Variants in TNFRSF11A observed in about 807,000 individuals in gnomAD.
TNFRSF11A encodes TNF receptor superfamily member 11a.
TNFRSF11A carries 32 observed loss-of-function variants against 55.7 expected under a neutral mutation model. That is an observed-to-expected ratio of 0.57 (90% confidence interval 0.43 to 0.77). The LOEUF is 0.77. Ranked by LOEUF, TNFRSF11A falls within the 30% of genes least tolerant of loss-of-function variation. TNFRSF11A has a pLI of 0.00. For synonymous variants in TNFRSF11A, 311 were observed against 331.0 expected (o/e 0.94, Z 0.65); for missense variants, 753 against 809.8 (o/e 0.93, Z 0.85).
At chr18:62,355,626 C>T (rs893016254) in intron 4 of TNFRSF11A, among the ~76,000 whole-genome samples, 1 of 152,180 alleles carries the variant, frequency 6.6e-6, no homozygotes, top group African/African-American at 2.4e-5. Flanking sequence ...GGGTTAAAAA[C>T]ATTTCTTCTG....
chr18:62,385,113 GC>G lies in TNFRSF11A; in HGVS notation c.*81del. 1 of 1,360,214 alleles carries G rather than the reference GC, an allele frequency of 7.4e-7. No homozygotes were observed. Among genetic ancestry groups the G allele is most frequent in the Non-Finnish European group, 9.4e-7 (1 of 1,059,774 alleles). 84.3% of individuals were successfully genotyped at this position (1,360,214 alleles called of 1,614,324 possible). Reference sequence around the variant, plus strand: ...CACCGCAGCCTCTGCCCCAGCCCCGGCCACCCAGGGATCGATCGGTACAGTC... The same window carrying G: ...CACCGCAGCCTCTGCCCCAGCCCCGGCACCCAGGGATCGATCGGTACAGTC... On this transcript the variant is annotated 3_prime_UTR_variant, in exon 10 of 10. Transcript: ENST00000586569.
intron 1 of TNFRSF11A, among the ~76,000 whole-genome samples, chr18:62,333,193 G>A (rs899966656): frequency 1.3e-5 from 2 of 152,186 alleles, no homozygotes; most frequent in Admixed American, 6.5e-5. Flanking sequence ...AAGGGCTTGC[G>A]AATAAACCTC....
At position 62,354,490 on chromosome 18, in the gene TNFRSF11A, G is replaced by A. The variant is rs201358688; in HGVS notation, c.383G>A (p.Arg128His). ...TGGAGCCAGGACTGCGAGTGCTGCC[G>A]CCGCAACACCGAGTGCGCGCCGGGC... ...YHWSQDCECCRRNTECAPGLG... is the reference protein window; with the variant it reads ...YHWSQDCECCHRNTECAPGLG... The change falls in exon 4 of 10, where the codon CGC becomes CAC. Residue 128 changes from arginine (R) to histidine (H), a missense_variant. By Grantham distance (29) the Arg-to-His change is conservative. Coordinates refer to ENST00000586569, the MANE Select transcript of TNFRSF11A (RefSeq NM_003839.4). The A allele has an allele frequency of 1.5e-5, 24 of 1,602,168 alleles. No individual in the cohort carries two copies. Among genetic ancestry groups the A allele is most frequent in the Middle Eastern group, 1.7e-4 (1 of 5,898 alleles).
In TNFRSF11A at chr18:62,385,063, T is replaced by A. The variant is rs1226088986; in HGVS notation, c.*29T>A. On this transcript the variant is annotated 3_prime_UTR_variant, in exon 10 of 10. Coordinates refer to ENST00000586569, the MANE Select transcript of TNFRSF11A (RefSeq NM_003839.4). Reference sequence around the variant, plus strand: ...CCCCCCATGGCTGGGAGCCCGAAGCTCGGAGCCAGGGCTCGCGAGGGCAGC... The same window carrying A: ...CCCCCCATGGCTGGGAGCCCGAAGCACGGAGCCAGGGCTCGCGAGGGCAGC... 2.8e-6 allele frequency: 4 copies of A among 1,454,466 alleles called. No individual in the cohort carries two copies. The African/African-American group carries it at 6.0e-5, about 22-fold the overall frequency. 90.1% of individuals were successfully genotyped at this position (1,454,466 alleles called of 1,614,324 possible). A position where few individuals can be genotyped will look rare whatever the true frequency, so the allele number is the denominator to read the frequency against.
intron 8 of TNFRSF11A, among the ~76,000 whole-genome samples, chr18:62,368,298 G>A (rs548175048): frequency 7.2e-5 from 11 of 152,212 alleles, no homozygotes; most frequent in African/African-American, 1.4e-4. Flanking sequence ...TACATAGAAC[G>A]TAGTTTCAGA....
At chr18:62,381,090 C>T (rs1911256148) in intron 9 of TNFRSF11A, among the ~76,000 whole-genome samples, 1 of 152,198 alleles carries the variant, frequency 6.6e-6, no homozygotes, top group Non-Finnish European at 1.5e-5. Flanking sequence ...AGGTGTCAGC[C>T]ACCGCGCTTA....
At chr18:62,346,912 T>G (rs2046391915) in intron 1 of TNFRSF11A, among the ~76,000 whole-genome samples, 1 of 152,236 alleles carries the variant, frequency 6.6e-6, no homozygotes, top group Admixed American at 6.5e-5. Flanking sequence ...GGTCTCTTAC[T>G]GCCTCCCAAG....
chr18:62,342,298 A>C (rs71366954), intron 1 of TNFRSF11A, among the ~76,000 whole-genome samples: 9,789 of 145,682 alleles, frequency 0.067, 674 homozygotes, highest in East Asian at 0.32. Context: ...GCTACTCGGG[A>C]GGCTGAGGTG....
chr18:62,329,706 G>A (rs778745755), intron 1 of TNFRSF11A, among the ~76,000 whole-genome samples: 3 of 152,090 alleles, frequency 2.0e-5, no homozygotes, highest in Non-Finnish European at 4.4e-5. Flanking sequence ...GCAAGATTAC[G>A]CACAGCCCCA....
rs886054085 is a variant in TNFRSF11A at position 62,385,248 on chromosome 18, G to A, written c.*214G>A. On this transcript the variant is annotated 3_prime_UTR_variant, in exon 10 of 10. Transcript: ENST00000586569. ...CATGCCCACGGATGCTCAGCAGCCCGCCGCACTGGGGCAGATGTCTCCCCT... is the reference window on the plus strand; with the variant it reads ...CATGCCCACGGATGCTCAGCAGCCCACCGCACTGGGGCAGATGTCTCCCCT... 6.5e-5 allele frequency: 31 copies of A among 480,430 alleles called. No individual in the cohort carries two copies. The highest frequency in any genetic ancestry group is 8.0e-5 in the Non-Finnish European group (23 of 288,304). The allele number at this position is 480,430 out of a possible 1,614,324, so 29.8% of individuals were successfully genotyped here.
intron 5 of TNFRSF11A, 83 bp downstream of exon 5, chr18:62,358,424 A>G: frequency 2.9e-6 from 4 of 1,356,932 alleles, no homozygotes; most frequent in Non-Finnish European, 3.1e-6. Context: ...TTGAAAACGG[A>G]CGGATTCTGT....
intron 1 of TNFRSF11A, among the ~76,000 whole-genome samples, chr18:62,346,584 A>C (rs1305606602): frequency 6.6e-6 from 1 of 152,110 alleles, no homozygotes; most frequent in Non-Finnish European, 1.5e-5. Flanking sequence ...GTCCAAGTAC[A>C]ACCTTCCTGT....
chr18:62,380,638 G>A (rs1475700840), intron 9 of TNFRSF11A, among the ~76,000 whole-genome samples: 8 of 151,022 alleles, frequency 5.3e-5, no homozygotes, highest in African/African-American at 1.7e-4. Flanking sequence ...AGGTTTCACC[G>A]TGTTAACCAG....
intron 1 of TNFRSF11A, among the ~76,000 whole-genome samples, chr18:62,339,742 ACT>A (rs1300549001): frequency 6.6e-6 from 1 of 152,124 alleles, no homozygotes; most frequent in Non-Finnish European, 1.5e-5. Context: ...ACTACATCAA[ACT>A]CTATCTTCTG....
chr18:62,366,872 G>C, intron 8 of TNFRSF11A, 112 bp downstream of exon 8: 1 of 1,122,022 alleles, frequency 8.9e-7, no homozygotes, highest in Non-Finnish European at 1.3e-6. Context: ...TTTTTGAGAC[G>C]GAGTCTCGCT....
At chr18:62,375,225 A>G (rs1008990966) in intron 9 of TNFRSF11A, among the ~76,000 whole-genome samples, 8 of 151,806 alleles carry the variant, frequency 5.3e-5, no homozygotes, top group African/African-American at 1.9e-4. Flanking sequence ...GAGGACAGCC[A>G]AGCCCAGGAG....
At chr18:62,358,406 C>T (rs551534851) in intron 5 of TNFRSF11A, 65 bp downstream of exon 5, 8 of 1,471,296 alleles carry the variant, frequency 5.4e-6, no homozygotes, top group East Asian at 4.5e-5. Context: ...TCCACTGTCT[C>T]GTCTGGGTTG....
chr18:62,330,455 G>C (rs779686498), intron 1 of TNFRSF11A, among the ~76,000 whole-genome samples: 4 of 152,178 alleles, frequency 2.6e-5, no homozygotes, highest in African/African-American at 9.7e-5. Context: ...GCAGGGAACC[G>C]AAGGAAGGAC....
intron 7 of TNFRSF11A, among the ~76,000 whole-genome samples, 155 bp from the exon 8 acceptor site, chr18:62,366,553 G>T (rs1910099861): frequency 6.6e-6 from 1 of 152,132 alleles, no homozygotes; most frequent in Non-Finnish European, 1.5e-5. Flanking sequence ...GAGATGATGG[G>T]TATGTTAATT....
Sources: gnomAD v4.1 joint callset for allele counts (sites outside exome capture counted in the v4.1 genomes callset) on GRCh38, gnomAD v4.1.1 for gene constraint, MANE v1.5 for transcripts, NCBI Gene and HGNC (gene_info 2026-07-23, HGNC 2026-07-21) for gene names.